PRRC2B: variants seen among roughly 807,000 people sequenced by gnomAD.
The protein encoded by PRRC2B is protein PRRC2B.
In PRRC2B, 68 loss-of-function variants were observed where a neutral mutation model predicts 242.3. That is an observed-to-expected ratio of 0.28 (90% CI 0.23 to 0.34). PRRC2B has a LOEUF of 0.34. Among genes scored for constraint, PRRC2B ranks in the 10% least tolerant of loss-of-function variants. The pLI is 1.00. For synonymous variants in PRRC2B, 1,228 were observed against 1,173.6 expected (o/e 1.05, Z -0.95); for missense variants, 2,835 against 2,954.8 (o/e 0.96, Z 0.94).
In PRRC2B at chr9:131,476,331, T is replaced by C; in HGVS notation, c.4202T>C (p.Val1401Ala). 6.3e-7 allele frequency: 1 copy of C among 1,581,938 alleles called. No individual in the cohort carries two copies. The highest frequency in any genetic ancestry group is 8.6e-7 in the Non-Finnish European group (1 of 1,164,862). ...CCTGGGTCCGAGCCCGACTCCCAGG[T>C]GGATGGTGGCCTGTCGGGGGCTAGT... ...EGPGSEPDSQVDGGLSGASLG... is the reference protein window; with the variant it reads ...EGPGSEPDSQADGGLSGASLG... Residue 1401 changes from valine (V) to alanine (A), a missense_variant, in exon 16 of 32, where the codon GTG (valine) becomes GCG (alanine). By Grantham distance (64) the Val-to-Ala change is moderately conservative. Coordinates refer to ENST00000683519, the MANE Select transcript of PRRC2B (RefSeq NM_013318.4).
At chr9:131,421,709 T>C (rs986700178) in intron 1 of PRRC2B, among the ~76,000 whole-genome samples, 1 of 152,186 alleles carries the variant, frequency 6.6e-6, no homozygotes, top group African/African-American at 2.4e-5. Context: ...AATCTCTAGG[T>C]GCCCACATGT....
At position 131,446,711 on chromosome 9, in the gene PRRC2B, G is replaced by A. The variant is rs1838812843; in HGVS notation, c.855+69G>A. The A allele has an allele frequency of 1.9e-6, 3 of 1,564,968 alleles. No homozygotes were observed. Among genetic ancestry groups the A allele is most frequent in the African/African-American group, 1.4e-5 (1 of 74,016 alleles). ...TTGTGTCCAGCAGATAGGTCAAGTG[G>A]TTGAATGTCCCCCTTGGGGTCTCCT... On this transcript the variant is annotated intron_variant, in intron 7 of 31. Transcript: ENST00000683519. This position sits in a 1 kb window ranked among gnomAD's most constrained non-coding sequence, Gnocchi z 4.1.
intron 1 of PRRC2B, among the ~76,000 whole-genome samples, chr9:131,374,955 C>T (rs1010075454): frequency 6.6e-6 from 1 of 152,166 alleles, no homozygotes. Flanking sequence ...CCCCACAACA[C>T]TTCACTTCAT....
rs562434993 is a variant in PRRC2B, at chr9:131,450,932, A to C, written c.1120+3128A>C. On this transcript the variant is annotated intron_variant, in intron 9 of 31. Transcript: ENST00000683519. ...GTCCAGGAACCTGGTGTATCTCTTT[A>C]TTAGGGCTTTCATTTCTCTCAGCAG... Among the ~76,000 whole-genome samples the C allele has an allele frequency of 2.6e-5, 4 of 152,166 alleles. No homozygotes were observed. In the South Asian group the frequency reaches 8.3e-4, roughly 32 times the overall value.
rs906581904 is a variant in PRRC2B, at chr9:131,467,143, G to A, written c.1721-420G>A. On this transcript the variant is annotated intron_variant, in intron 12 of 31. Transcript: ENST00000683519. ...AGAAATGGGGTTTCACCATGTTGGC[G>A]AGGCTGGTCTTGAACTCCTGACCTC... Among the ~76,000 whole-genome samples, 128 of 151,146 alleles carry A rather than the reference G, an allele frequency of 8.5e-4. 2 individuals are homozygous for A. Among genetic ancestry groups the A allele is most frequent in the Non-Finnish European group, 1.4e-3 (94 of 67,826 alleles).
At chr9:131,466,978 T>A (rs1054157626) in intron 12 of PRRC2B, among the ~76,000 whole-genome samples, 2 of 152,194 alleles carry the variant, frequency 1.3e-5, no homozygotes, top group East Asian at 1.9e-4. Flanking sequence ...ATTTTTTGTA[T>A]TTTTAGTAGA....
At chr9:131,493,337 C>G (rs946088067) in intron 30 of PRRC2B, among the ~76,000 whole-genome samples, 6 of 152,138 alleles carry the variant, frequency 3.9e-5, no homozygotes, top group African/African-American at 7.2e-5. Flanking sequence ...TCACATAGAC[C>G]AAAACATCAG....
chr9:131,447,861 ACC>A, intron 9 of PRRC2B, 57 bp downstream of exon 9: 1 of 1,529,148 alleles, frequency 6.5e-7, no homozygotes, highest in East Asian at 2.3e-5. Flanking sequence ...ATATGTACTT[ACC>A]AGGGATGGAA....
intron 15 of PRRC2B, among the ~76,000 whole-genome samples, 200 bp from the exon 16 acceptor site, chr9:131,474,254 G>A (rs1264918114): frequency 1.3e-5 from 2 of 152,162 alleles, no homozygotes; most frequent in Non-Finnish European, 2.9e-5. Context: ...TTTCTGAGAC[G>A]TGTTTAAAGA....
Position 131,479,243 on chromosome 9 carries a change from T to TC in PRRC2B, c.4759-5dup. 1 of 1,613,354 alleles carries TC rather than the reference T, an allele frequency of 6.2e-7. No homozygotes were observed. ...TTGGCTAGACTACAGCATCCTTTCT[T>TC]CCCCTCAGGTGCCTGTCAAAGGTCG... is the stretch of plus-strand genomic sequence containing the variant. On this transcript the variant is annotated splice_polypyrimidine_tract_variant and intron_variant, in intron 18 of 31. Coordinates refer to ENST00000683519, the MANE Select transcript of PRRC2B (RefSeq NM_013318.4).
At chr9:131,492,051 TG>T in intron 29 of PRRC2B, 117 bp from the exon 30 acceptor site, 1 of 770,950 alleles carries the variant, frequency 1.3e-6, no homozygotes. Flanking sequence ...CTCTATAAGA[TG>T]CCTCCCTGGG....
At chr9:131,495,324 CAG>C (rs1944301963) in intron 31 of PRRC2B, among the ~76,000 whole-genome samples, 1 of 152,058 alleles carries the variant, frequency 6.6e-6, no homozygotes, top group Admixed American at 6.5e-5. Flanking sequence ...AGGGCCCCAG[CAG>C]ACAGTCGGGG....
Position 131,482,312 on chromosome 9 carries a change from ACT to A in PRRC2B, c.4984-54_4984-53del, listed in dbSNP as rs1943892492. ...AAGTCTCTGTGCCACATGCAGTTTTACTCTCTGGATAATCGAGTTGGGAGTTT... is the reference window on the plus strand; with the variant it reads ...AAGTCTCTGTGCCACATGCAGTTTTACTCTGGATAATCGAGTTGGGAGTTT... On this transcript the variant is annotated intron_variant, in intron 20 of 31. Transcript: ENST00000683519. This position sits in a 1 kb window ranked among gnomAD's most constrained non-coding sequence, Gnocchi z 5.2. 8 of 1,500,614 alleles carry A rather than the reference ACT, an allele frequency of 5.3e-6. No homozygotes were observed. Among genetic ancestry groups the A allele is most frequent in the Non-Finnish European group, 7.2e-6 (8 of 1,116,148 alleles). 93.0% of individuals were successfully genotyped at this position (1,500,614 alleles called of 1,614,324 possible).
chr9:131,491,694 AG>A, intron 29 of PRRC2B, 114 bp downstream of exon 29: 1 of 1,016,944 alleles, frequency 9.8e-7, no homozygotes, highest in Non-Finnish European at 1.4e-6. Context: ...TGGGACTGCC[AG>A]GGCAGAAAGG....
At chr9:131,448,380 C>G (rs1375665838) in intron 9 of PRRC2B, among the ~76,000 whole-genome samples, 1 of 151,454 alleles carries the variant, frequency 6.6e-6, no homozygotes, top group Admixed American at 6.6e-5. Context: ...CCTGTCTCTA[C>G]TAAAAATACA....
intron 3 of PRRC2B, among the ~76,000 whole-genome samples, chr9:131,433,904 G>A (rs904362156): frequency 3.3e-4 from 51 of 152,338 alleles, no homozygotes; most frequent in African/African-American, 1.2e-3. Flanking sequence ...TAGGGCCTTA[G>A]AAGTTATTTT....
At chr9:131,405,732 G>A (rs1289729235) in intron 1 of PRRC2B, among the ~76,000 whole-genome samples, 1 of 152,138 alleles carries the variant, frequency 6.6e-6, no homozygotes, top group African/African-American at 2.4e-5. Context: ...GGGGGTTATT[G>A]TTAGCTGGAA....
chr9:131,393,253 A>G (rs972488836), upstream of PRRC2B, among the ~76,000 whole-genome samples: 5 of 152,204 alleles, frequency 3.3e-5, no homozygotes, highest in Non-Finnish European at 7.4e-5. Flanking sequence ...TGGTGCTTAG[A>G]GCAACCGTGA....
intron 1 of PRRC2B, among the ~76,000 whole-genome samples, 164 bp from the exon 2 acceptor site, chr9:131,429,930 G>A (rs1369894914): frequency 6.6e-6 from 1 of 151,944 alleles, no homozygotes; most frequent in Non-Finnish European, 1.5e-5. Context: ...CCTGTGGGTG[G>A]TGAGAGCAGT....
Sources: allele counts gnomAD v4.1 joint callset (sites outside exome capture counted in the v4.1 genomes callset), GRCh38; gene constraint gnomAD v4.1.1; non-coding constraint Gnocchi (gnomAD v3.1); transcripts MANE v1.5; gene names NCBI Gene and HGNC (gene_info 2026-07-23, HGNC 2026-07-21).